The following CA10 variants were observed in gnomAD, a reference collection of about 807,000 sequenced individuals.
CA10 encodes the protein carbonic anhydrase-related protein 10.
In CA10, 14 loss-of-function variants were observed where a neutral mutation model predicts 44.2. That is an observed-to-expected ratio of 0.32 (90% CI 0.21 to 0.50). The LOEUF is 0.50. Ranked by LOEUF, CA10 falls within the 20% of genes least tolerant of loss-of-function variation. The pLI is 0.99. For synonymous variants in CA10, 159 were observed against 141.6 expected, an observed-to-expected ratio of 1.12 and a Z score of -0.87; for missense variants, 350 against 409.7, an observed-to-expected ratio of 0.85 and a Z score of 1.26.
intron 2 of CA10, among the ~76,000 whole-genome samples, chr17:52,067,233 T>A (rs560053745): frequency 6.0e-4 from 91 of 152,350 alleles, no homozygotes; most frequent in African/African-American, 2.0e-3. Flanking sequence ...CTTTGTGCAG[T>A]CTCTGGGCTT....
intron 3 of CA10, among the ~76,000 whole-genome samples, chr17:51,836,186 G>T (rs1031212253): frequency 6.6e-6 from 1 of 152,174 alleles, no homozygotes; most frequent in Admixed American, 6.5e-5. Flanking sequence ...ACACAAATAG[G>T]ACTACAACAG....
intron 3 of CA10, among the ~76,000 whole-genome samples, chr17:51,843,540 G>A (rs2143808841): frequency 6.6e-6 from 1 of 152,158 alleles, no homozygotes; most frequent in South Asian, 2.1e-4. Context: ...GTCTCCCTTG[G>A]AATCAAGGTA....
At chr17:51,917,234 G>A (rs1982038280) in intron 3 of CA10, among the ~76,000 whole-genome samples, 1 of 119,790 alleles carries the variant, frequency 8.3e-6, no homozygotes, top group Non-Finnish European at 2.0e-5. Flanking sequence ...ATGTGGAGGT[G>A]GGAATAGATA....
chr17:51,724,435 A>G (rs1916450058), intron 4 of CA10, among the ~76,000 whole-genome samples: 1 of 152,208 alleles, frequency 6.6e-6, no homozygotes. Flanking sequence ...CAACAAAAGT[A>G]TAAGATGGGC....
At chr17:51,801,613 C>T (rs532355402) in intron 3 of CA10, among the ~76,000 whole-genome samples, 4 of 151,952 alleles carry the variant, frequency 2.6e-5, no homozygotes, top group South Asian at 2.1e-4. Context: ...TCCTCAGAAA[C>T]GAAATCTAGA....
At chr17:52,129,094 C>A (rs76625691) in intron 1 of CA10, among the ~76,000 whole-genome samples, 1 of 152,178 alleles carries the variant, frequency 6.6e-6, no homozygotes, top group East Asian at 1.9e-4. Flanking sequence ...GACTAAGCCA[C>A]CACTTTCTCC....
At chr17:51,654,036 T>C (rs2143286405) in intron 4 of CA10, among the ~76,000 whole-genome samples, 1 of 152,358 alleles carries the variant, frequency 6.6e-6, no homozygotes, top group East Asian at 1.9e-4. Flanking sequence ...AAAGCGTGTG[T>C]AAAGTGAATT....
chr17:52,034,088 T>C (rs1986547856), intron 2 of CA10, among the ~76,000 whole-genome samples: 1 of 152,236 alleles, frequency 6.6e-6, no homozygotes, highest in African/African-American at 2.4e-5. Flanking sequence ...GCACTTGGAA[T>C]ATACAAGTCC....
chr17:51,821,152 T>C (rs1907780354), intron 3 of CA10, among the ~76,000 whole-genome samples: 1 of 143,596 alleles, frequency 7.0e-6, no homozygotes, highest in Non-Finnish European at 1.5e-5. Context: ...CCAATATTTA[T>C]TGTGCAATGC....
At chr17:51,708,716 C>T (rs1444191525) in intron 4 of CA10, among the ~76,000 whole-genome samples, 1 of 152,192 alleles carries the variant, frequency 6.6e-6, no homozygotes, top group Non-Finnish European at 1.5e-5. Flanking sequence ...GCTGCCAGTG[C>T]AGGTAGAATA....
At chr17:52,153,489 G>C (rs1232138430) in intron 1 of CA10, among the ~76,000 whole-genome samples, 3 of 152,100 alleles carry the variant, frequency 2.0e-5, no homozygotes, top group Non-Finnish European at 4.4e-5. Context: ...TTTCCAGGTA[G>C]TTTAGTAAAC....
intron 1 of CA10, among the ~76,000 whole-genome samples, chr17:52,106,172 C>T (rs1988657976): frequency 6.6e-6 from 1 of 152,174 alleles, no homozygotes; most frequent in Non-Finnish European, 1.5e-5. Flanking sequence ...GAATGGATTA[C>T]TAGGGAATTT....
rs570465141 is a variant in CA10, at chr17:52,098,825, C to A, written c.62-26432G>T. ...GGGCCCATTGCTATATTAAAGAAATCCTCCAGGGAGCTAAGGCTCTAAGAC... is the reference window on the plus strand; with the variant it reads ...GGGCCCATTGCTATATTAAAGAAATACTCCAGGGAGCTAAGGCTCTAAGAC... On this transcript the variant is annotated intron_variant, in intron 1 of 8. Transcript: ENST00000451037. Among the ~76,000 whole-genome samples the A allele has an allele frequency of 3.3e-5, 5 of 152,230 alleles. No individual in the cohort carries two copies. In the East Asian group the frequency reaches 9.7e-4, roughly 29 times the overall value.
intron 1 of CA10, among the ~76,000 whole-genome samples, chr17:52,087,884 C>T (rs1227904985): frequency 1.3e-5 from 2 of 152,262 alleles, no homozygotes; most frequent in African/African-American, 2.4e-5. Flanking sequence ...TAGAAGCCAA[C>T]ACTATGAGGT....
chr17:52,064,783 G>A (rs976772698), intron 2 of CA10, among the ~76,000 whole-genome samples: 2 of 152,174 alleles, frequency 1.3e-5, no homozygotes, highest in Non-Finnish European at 2.9e-5. Context: ...GCTGTCCTGA[G>A]CCAAAGTAGC....
intron 1 of CA10, among the ~76,000 whole-genome samples, chr17:52,139,338 G>A (rs1362549623): frequency 6.6e-6 from 1 of 152,084 alleles, no homozygotes; most frequent in Admixed American, 6.5e-5. Context: ...AGTTTAGAAA[G>A]CAAAATTATA....
chr17:52,006,515 AT>A (rs1422674924), intron 2 of CA10, among the ~76,000 whole-genome samples: 2 of 151,434 alleles, frequency 1.3e-5, no homozygotes, highest in East Asian at 2.0e-4. Flanking sequence ...ACTTTTAAGC[AT>A]TTTTTTCCCT....
chr17:51,823,306 G>T (rs1265734475), intron 3 of CA10, among the ~76,000 whole-genome samples: 1 of 152,152 alleles, frequency 6.6e-6, no homozygotes, highest in African/African-American at 2.4e-5. Context: ...AGCCACGGTG[G>T]GTGTATGCAC....
chr17:51,647,714 A>T (rs1200604243), intron 6 of CA10, among the ~76,000 whole-genome samples: 1 of 152,226 alleles, frequency 6.6e-6, no homozygotes, highest in African/African-American at 2.4e-5. Context: ...TTTAATTTTC[A>T]TGCTTTTTTC....
Sources: allele counts gnomAD v4.1 joint callset (sites outside exome capture counted in the v4.1 genomes callset), GRCh38; gene constraint gnomAD v4.1.1; transcripts MANE v1.5; gene names NCBI Gene and HGNC (gene_info 2026-07-23, HGNC 2026-07-21).